Variants in NTRK3 observed in about 807,000 individuals in gnomAD.
NTRK3 encodes the protein neurotrophic receptor tyrosine kinase 3, also known as NT-3 growth factor receptor.
Under a neutral mutation model 91.7 loss-of-function variants are expected in NTRK3, and 24 were observed. That is an observed-to-expected ratio of 0.26 (90% CI 0.19 to 0.37). NTRK3 has a LOEUF of 0.37. Ranked by LOEUF, NTRK3 falls within the 10% of genes least tolerant of loss-of-function variation. NTRK3 has a pLI of 1.00. For synonymous variants in NTRK3, 483 were observed against 404.0 expected, an observed-to-expected ratio of 1.20 and a Z score of -2.34; for missense variants, 880 against 1,068.9, an observed-to-expected ratio of 0.82 and a Z score of 2.46.
intron 13 of NTRK3, among the ~76,000 whole-genome samples, chr15:88,039,758 C>T (rs757644688): frequency 6.6e-5 from 10 of 152,198 alleles, no homozygotes; most frequent in East Asian, 1.9e-4. Flanking sequence ...AGTTTTGCCA[C>T]GACAATACAT....
intron 14 of NTRK3, among the ~76,000 whole-genome samples, chr15:87,952,894 C>T (rs1362087712): frequency 6.6e-6 from 1 of 152,122 alleles, no homozygotes; most frequent in South Asian, 2.1e-4. Context: ...GGCCCTCACC[C>T]TGTATCTGAT....
At chr15:88,033,216 A>ATATATGTATAT (rs1567262261) in intron 13 of NTRK3, among the ~76,000 whole-genome samples, 171 bp from the exon 14 acceptor site, 1 of 122,012 alleles carries the variant, frequency 8.2e-6, no homozygotes, top group African/African-American at 3.2e-5. Context: ...ATATATATAT[A>ATATATGTATAT]AATTCAGTTG....
intron 17 of NTRK3, among the ~76,000 whole-genome samples, chr15:87,894,710 T>G (rs2066022074): frequency 6.6e-6 from 1 of 152,200 alleles, no homozygotes. Context: ...CTTCTCCAAC[T>G]GTTGGTATGT....
chr15:88,200,560 C>T (rs1457664094), intron 3 of NTRK3, among the ~76,000 whole-genome samples: 2 of 152,182 alleles, frequency 1.3e-5, no homozygotes, highest in South Asian at 4.1e-4. Context: ...GGTGAGTTCT[C>T]ACAAGATCTG....
chr15:88,184,565 G>A (rs756633184), intron 3 of NTRK3, among the ~76,000 whole-genome samples: 1 of 152,190 alleles, frequency 6.6e-6, no homozygotes, highest in Non-Finnish European at 1.5e-5. Context: ...CTCCCCATCA[G>A]CTAGAAAAAG....
intron 14 of NTRK3, among the ~76,000 whole-genome samples, chr15:88,026,047 AG>A (rs1328848112): frequency 6.6e-6 from 1 of 152,170 alleles, no homozygotes; most frequent in Non-Finnish European, 1.5e-5. Flanking sequence ...CGGGACGGGT[AG>A]ATCACTAGGT....
chr15:87,863,777 A>G (rs1439165922), exon 19 of NTRK3: 1 of 230,440 alleles, frequency 4.3e-6, no homozygotes, highest in Non-Finnish European at 8.6e-6. Flanking sequence ...ATGGCTTGCT[A>G]TGACTAAATG....
intron 3 of NTRK3, among the ~76,000 whole-genome samples, chr15:88,191,348 T>C (rs926824367): frequency 6.6e-6 from 1 of 152,154 alleles, no homozygotes; most frequent in African/African-American, 2.4e-5. Context: ...TCACCACGCC[T>C]GGCTGATTTT....
At chr15:88,090,100 T>C (rs2048878814) in intron 13 of NTRK3, among the ~76,000 whole-genome samples, 1 of 152,074 alleles carries the variant, frequency 6.6e-6, no homozygotes, top group Non-Finnish European at 1.5e-5. Flanking sequence ...CCCTCTCTGC[T>C]CGGCTTGCAC....
intron 13 of NTRK3, among the ~76,000 whole-genome samples, chr15:88,122,525 T>C (rs144684407): frequency 1.3e-4 from 20 of 152,312 alleles, no homozygotes; most frequent in African/African-American, 3.1e-4. Flanking sequence ...TTAGTTTTAG[T>C]CATATTTTAT....
intron 13 of NTRK3, among the ~76,000 whole-genome samples, chr15:88,046,279 G>A (rs1008530254): frequency 6.6e-6 from 1 of 152,156 alleles, no homozygotes; most frequent in Non-Finnish European, 1.5e-5. Flanking sequence ...CATGATTCAT[G>A]CCACACCTTC....
At chr15:88,063,935 G>A (rs1019960264) in intron 13 of NTRK3, among the ~76,000 whole-genome samples, 1 of 152,170 alleles carries the variant, frequency 6.6e-6, no homozygotes, top group African/African-American at 2.4e-5. Context: ...AAAGACATAT[G>A]TCCACCTCAA....
intron 14 of NTRK3, among the ~76,000 whole-genome samples, chr15:88,007,697 G>A (rs2076594558): frequency 6.6e-6 from 1 of 152,190 alleles, no homozygotes; most frequent in South Asian, 2.1e-4. Flanking sequence ...TCTACCACCA[G>A]AGATGTGCTC....
At chr15:88,048,718 C>A (rs1408307486) in intron 13 of NTRK3, among the ~76,000 whole-genome samples, 4 of 152,160 alleles carry the variant, frequency 2.6e-5, no homozygotes, top group African/African-American at 9.7e-5. Flanking sequence ...AATTTAACTC[C>A]TTTGCAGAGT....
At chr15:88,095,622 C>T (rs2049505572) in intron 13 of NTRK3, among the ~76,000 whole-genome samples, 4 of 152,138 alleles carry the variant, frequency 2.6e-5, no homozygotes, top group Admixed American at 2.6e-4. Context: ...ATAAATTAAC[C>T]AGAGCAAGAA....
intron 6 of NTRK3, among the ~76,000 whole-genome samples, chr15:88,139,555 A>T (rs2042186532): frequency 6.6e-6 from 1 of 152,186 alleles, no homozygotes; most frequent in African/African-American, 2.4e-5. Context: ...AAATACCCCT[A>T]TGTGGTATCA....
chr15:88,079,738 A>G (rs2047878397), intron 13 of NTRK3, among the ~76,000 whole-genome samples: 1 of 152,262 alleles, frequency 6.6e-6, no homozygotes, highest in Non-Finnish European at 1.5e-5. Context: ...TCATCAATAC[A>G]TTATGAATAA....
intron 17 of NTRK3, among the ~76,000 whole-genome samples, chr15:87,926,355 T>C (rs1490727516): frequency 6.6e-6 from 1 of 151,522 alleles, no homozygotes; most frequent in Non-Finnish European, 1.5e-5. Context: ...ATCAGTAGAA[T>C]ACACAGATTT....
rs144660441 is a variant in NTRK3 at position 87,939,165 on chromosome 15, G to A, written c.1716+1458C>T. Among the ~76,000 whole-genome samples, 345 of 152,240 alleles carry A rather than the reference G, an allele frequency of 2.3e-3. 2 individuals carry two copies. Among genetic ancestry groups the A allele is most frequent in the Middle Eastern group, 0.01 (3 of 294 alleles). On this transcript the variant is annotated intron_variant, in intron 15 of 18. Coordinates refer to ENST00000394480, the Ensembl canonical transcript of NTRK3. ...CTCCTATTCTAGATAGTCATTGCAA[G>A]CTTGGCAGATCATATGTCATGTATC...
Sources: gnomAD v4.1 joint callset for allele counts (sites outside exome capture counted in the v4.1 genomes callset) on GRCh38, gnomAD v4.1.1 for gene constraint, MANE v1.5 for transcripts, NCBI Gene and HGNC (gene_info 2026-07-23, HGNC 2026-07-21) for gene names.